NLGN1: variants seen among roughly 807,000 people sequenced by gnomAD.
The protein encoded by NLGN1 is neuroligin-1.
NLGN1 carries 12 observed loss-of-function variants against 65.5 expected under a neutral mutation model. The observed-to-expected ratio is 0.18, with a 90% CI of 0.12 to 0.30. The LOEUF is 0.30. NLGN1 is among the 10% of genes least tolerant of loss of function. The pLI, the probability that NLGN1 is intolerant of heterozygous loss-of-function variation, is 1.00. For missense variants in NLGN1, 750 were observed against 1,007.1 expected, an observed-to-expected ratio of 0.74 and a Z score of 3.46; for synonymous variants, 350 against 359.5, an observed-to-expected ratio of 0.97 and a Z score of 0.30.
intron 3 of NLGN1, among the ~76,000 whole-genome samples, chr3:173,742,967 C>T (rs989717985): frequency 1.3e-5 from 2 of 152,156 alleles, no homozygotes; most frequent in Non-Finnish European, 2.9e-5. Flanking sequence ...TAAATACATA[C>T]ACCCATAATC....
In NLGN1 at chr3:173,748,356, A is replaced by G. The variant is rs114043249; in HGVS notation, c.494-59324A>G. Among the ~76,000 whole-genome samples, 1,125 of 152,210 alleles carry G rather than the reference A, an allele frequency of 7.4e-3. 4 individuals are homozygous for G. Among genetic ancestry groups the G allele is most frequent in the South Asian group, 0.017 (80 of 4,826 alleles). ...ACACATAGGGGCAGAGGAAGTTGCA[A>G]TGGAGAAATACTATCTACTGGGTAT... On this transcript the variant is annotated intron_variant, in intron 3 of 6. Coordinates refer to ENST00000457714, the Ensembl canonical transcript of NLGN1.
intron 3 of NLGN1, among the ~76,000 whole-genome samples, chr3:173,724,058 G>T (rs1771340793): frequency 6.6e-6 from 1 of 152,168 alleles, no homozygotes; most frequent in African/African-American, 2.4e-5. Context: ...ATCCATGGGG[G>T]TCAGGAGTCT....
intron 1 of NLGN1, among the ~76,000 whole-genome samples, chr3:173,433,357 C>T (rs1319244187): frequency 6.6e-6 from 1 of 152,110 alleles, no homozygotes; most frequent in Non-Finnish European, 1.5e-5. Context: ...CACAGTGTTC[C>T]CTCCCTGTCT....
At chr3:173,997,785 T>C (rs1041654097) in intron 4 of NLGN1, among the ~76,000 whole-genome samples, 11 of 152,122 alleles carry the variant, frequency 7.2e-5, no homozygotes, top group Non-Finnish European at 1.3e-4. Flanking sequence ...AATATCCTTA[T>C]TTATTCTAGC....
rs573644229 is a variant in NLGN1 at position 173,800,516 on chromosome 3, T to G, written c.494-7164T>G. Among the ~76,000 whole-genome samples the G allele has an allele frequency of 3.9e-5, 6 of 151,904 alleles. No individual in the cohort carries two copies. The South Asian group carries it at 1.2e-3, about 32-fold the overall frequency. ...GTTGTTACATACAAATATAGAGTAT[T>G]AATTTTTTTAAAAAATTAATATTAA... On this transcript the variant is annotated intron_variant, in intron 3 of 6. Transcript: ENST00000457714.
At chr3:173,874,294 C>G (rs1731723095) in intron 4 of NLGN1, among the ~76,000 whole-genome samples, 1 of 152,186 alleles carries the variant, frequency 6.6e-6, no homozygotes, top group Non-Finnish European at 1.5e-5. Flanking sequence ...TTTTGTTCCA[C>G]AGACCTGTTA....
chr3:174,120,707 A>G (rs1389958305), intron 4 of NLGN1, among the ~76,000 whole-genome samples: 1 of 152,192 alleles, frequency 6.6e-6, no homozygotes, highest in Non-Finnish European at 1.5e-5. Flanking sequence ...TACTTGAGTT[A>G]TAGAAAAATA....
chr3:174,042,746 T>A (rs1175584946), intron 4 of NLGN1, among the ~76,000 whole-genome samples: 2 of 152,180 alleles, frequency 1.3e-5, no homozygotes, highest in Non-Finnish European at 2.9e-5. Flanking sequence ...GATGTCCACT[T>A]AAAGATAAGG....
intron 3 of NLGN1, among the ~76,000 whole-genome samples, chr3:173,723,305 A>G (rs1169146879): frequency 6.6e-6 from 1 of 152,216 alleles, no homozygotes; most frequent in African/African-American, 2.4e-5. Context: ...TCATTATTTT[A>G]TGTGTAACTA....
chr3:173,906,863 A>G (rs1386228610), intron 4 of NLGN1, among the ~76,000 whole-genome samples: 1 of 149,418 alleles, frequency 6.7e-6, no homozygotes, highest in Non-Finnish European at 1.5e-5. Flanking sequence ...TCATCTTTAA[A>G]CAAACAAACA....
At chr3:173,715,429 C>T (rs930546015) in intron 3 of NLGN1, among the ~76,000 whole-genome samples, 22 of 151,910 alleles carry the variant, frequency 1.4e-4, no homozygotes, top group African/African-American at 5.3e-4. Context: ...TTCCTTGTTC[C>T]ATAAGTGATG....
At chr3:173,403,324 A>T (rs1273909694) in intron 1 of NLGN1, among the ~76,000 whole-genome samples, 1 of 152,176 alleles carries the variant, frequency 6.6e-6, no homozygotes, top group Non-Finnish European at 1.5e-5. Flanking sequence ...AATGTAAACT[A>T]TAGTTAAATC....
At chr3:173,940,807 C>G (rs1388476) in intron 4 of NLGN1, among the ~76,000 whole-genome samples, 1 of 151,990 alleles carries the variant, frequency 6.6e-6, no homozygotes, top group South Asian at 2.1e-4. Flanking sequence ...TGAATATCTA[C>G]GTGCATTTGC....
intron 2 of NLGN1, among the ~76,000 whole-genome samples, chr3:173,460,133 A>C (rs1723129449): frequency 6.6e-6 from 1 of 152,154 alleles, no homozygotes; most frequent in South Asian, 2.1e-4. Flanking sequence ...GAGTTAATTG[A>C]AAACTTCAAT....
At chr3:173,407,346 A>G (rs925807212) in intron 1 of NLGN1, among the ~76,000 whole-genome samples, 1 of 152,200 alleles carries the variant, frequency 6.6e-6, no homozygotes, top group African/African-American at 2.4e-5. Flanking sequence ...TCACTTCCTT[A>G]GTTTACATGT....
chr3:174,107,017 CAGAGAG>C (rs71162376), intron 4 of NLGN1, among the ~76,000 whole-genome samples: 1,368 of 97,634 alleles, frequency 0.014, 19 homozygotes, highest in African/African-American at 0.041. Context: ...CACACACACA[CAGAGAG>C]AGAGAGAGAG....
At chr3:173,563,817 C>A (rs1743186347) in intron 2 of NLGN1, among the ~76,000 whole-genome samples, 1 of 152,208 alleles carries the variant, frequency 6.6e-6, no homozygotes, top group Non-Finnish European at 1.5e-5. Flanking sequence ...ATTTGGATTT[C>A]TGCAACAGGC....
At position 173,701,143 on chromosome 3, in the gene NLGN1, G is replaced by T. The variant is rs185500128; in HGVS notation, c.493+96052G>T. 4.6e-5 allele frequency among the ~76,000 whole-genome samples: 7 copies of T among 151,950 alleles called. No homozygotes were observed. In the East Asian group the frequency reaches 1.4e-3, roughly 29 times the overall value. On this transcript the variant is annotated intron_variant, in intron 3 of 6. Transcript: ENST00000457714. The stretch of plus-strand genomic sequence containing the variant: ...GACTCCGTCTTGAAAAAAAAGTGCC[G>T]GAAAATGCTGTTGAAGTTGGTCTAA...
chr3:173,983,107 CTTCATTATT>C (rs1247830809), intron 4 of NLGN1, among the ~76,000 whole-genome samples: 2 of 151,286 alleles, frequency 1.3e-5, no homozygotes, highest in Non-Finnish European at 1.5e-5. Context: ...TCTGTTTTTT[CTTCATTATT>C]TTGGGTAAGT....
Sources: allele counts gnomAD v4.1 joint callset (sites outside exome capture counted in the v4.1 genomes callset), GRCh38; gene constraint gnomAD v4.1.1; transcripts MANE v1.5; gene names NCBI Gene and HGNC (gene_info 2026-07-23, HGNC 2026-07-21).